Variants in KCNIP4 observed in about 807,000 individuals in gnomAD.
KCNIP4 encodes the protein potassium voltage-gated channel interacting protein 4.
In KCNIP4, 12 loss-of-function variants were observed where a neutral mutation model predicts 34.0. The ratio of observed to expected loss-of-function variants is 0.35; its 90% confidence interval spans 0.23 to 0.57. KCNIP4 has a LOEUF of 0.57. Among genes scored for constraint, KCNIP4 ranks in the 20% least tolerant of loss-of-function variants. The probability of loss-of-function intolerance (pLI) is 0.83; values close to 1 mark genes in which losing one functional copy is unlikely to be tolerated. For synonymous variants in KCNIP4, 124 were observed against 102.2 expected, an observed-to-expected ratio of 1.21 and a Z score of -1.29; for missense variants, 238 against 311.7, an observed-to-expected ratio of 0.76 and a Z score of 1.78.
chr4:21,672,778 T>C (rs894390547), intron 1 of KCNIP4, among the ~76,000 whole-genome samples: 1 of 152,162 alleles, frequency 6.6e-6, no homozygotes, highest in African/African-American at 2.4e-5. Context: ...ACTTTGCGAG[T>C]GGCTTAGCTG....
rs980510910 is a variant in KCNIP4, at chr4:21,379,417, G to C, written c.62-496708C>G. 1.6e-4 allele frequency among the ~76,000 whole-genome samples: 24 copies of C among 152,056 alleles called. 1 individual carries two copies. Among genetic ancestry groups the C allele is most frequent in the Non-Finnish European group, 1.2e-4 (8 of 68,004 alleles). On this transcript the variant is annotated intron_variant, in intron 1 of 8. Coordinates refer to ENST00000382152, the MANE Select transcript of KCNIP4 (RefSeq NM_025221.6). ...AACAGTCAGAGTGACTCTTTTAAAA[G>C]GTATGTCATATTATGCCACTAACCT...
chr4:21,727,778 G>A (rs1715304130), intron 1 of KCNIP4, among the ~76,000 whole-genome samples: 1 of 152,102 alleles, frequency 6.6e-6, no homozygotes, highest in South Asian at 2.1e-4. Flanking sequence ...GCAGTGAGCT[G>A]AGACCACACC....
chr4:21,451,944 T>C (rs1728538565), intron 1 of KCNIP4, among the ~76,000 whole-genome samples: 1 of 152,120 alleles, frequency 6.6e-6, no homozygotes, highest in African/African-American at 2.4e-5. Context: ...TCTCATTCAT[T>C]TAAAAGAAAA....
chr4:21,795,866 G>T (rs207464390), intron 1 of KCNIP4, among the ~76,000 whole-genome samples: 1 of 152,272 alleles, frequency 6.6e-6, no homozygotes, highest in Admixed American at 6.5e-5. Flanking sequence ...CCAGGAGTTT[G>T]AGACCAGACT....
rs868076916 is a variant in KCNIP4 at position 21,519,440 on chromosome 4, A to G, written c.61+429131T>C. Among the ~76,000 whole-genome samples, 254 of 101,396 alleles carry G rather than the reference A, an allele frequency of 2.5e-3. 14 individuals are homozygous for G. Among genetic ancestry groups the G allele is most frequent in the African/African-American group, 6.3e-3 (192 of 30,438 alleles). The allele number at this position is 101,396 out of a possible 152,430, so 66.5% of individuals were successfully genotyped here. On this transcript the variant is annotated intron_variant, in intron 1 of 8. Coordinates refer to ENST00000382152, the MANE Select transcript of KCNIP4 (RefSeq NM_025221.6). ...TGTATATATACACATATGTGTGTAT[A>G]TGTATGTGTATATACACATATGTGT...
chr4:21,601,210 C>T (rs1743117136), intron 1 of KCNIP4, among the ~76,000 whole-genome samples: 1 of 151,968 alleles, frequency 6.6e-6, no homozygotes. Flanking sequence ...CAAACCAAAT[C>T]TGATTATGCC....
In KCNIP4 at chr4:21,309,875, C is replaced by G. The variant is rs143878295; in HGVS notation, c.62-427166G>C. Among the ~76,000 whole-genome samples the G allele has an allele frequency of 1.2e-3, 186 of 152,244 alleles. 2 individuals carry two copies. The highest frequency in any genetic ancestry group is 4.3e-3 in the African/African-American group (180 of 41,540). On this transcript the variant is annotated intron_variant, in intron 1 of 8. Transcript: ENST00000382152. ...TGAGATCAGGGAAAGCTGACAGGCT[C>G]TAATGGTAGTGGCAGGTAGGGGAAT...
intron 1 of KCNIP4, among the ~76,000 whole-genome samples, chr4:21,934,580 C>T (rs1729745705): frequency 6.6e-6 from 1 of 152,020 alleles, no homozygotes; most frequent in African/African-American, 2.4e-5. Context: ...TTCATTTGCT[C>T]TTTAACTGCA....
At chr4:21,600,048 T>C (rs1437176942) in intron 1 of KCNIP4, among the ~76,000 whole-genome samples, 1 of 152,104 alleles carries the variant, frequency 6.6e-6, no homozygotes, top group Admixed American at 6.6e-5. Flanking sequence ...AGTATTGATG[T>C]AAACAGAACT....
At chr4:21,817,023 T>C (rs1297010301) in intron 1 of KCNIP4, among the ~76,000 whole-genome samples, 1 of 152,188 alleles carries the variant, frequency 6.6e-6, no homozygotes, top group Admixed American at 6.5e-5. Flanking sequence ...GCTTGACAGA[T>C]GTGAGCTATT....
In KCNIP4 at chr4:21,152,051, G is replaced by A. The variant is rs141078830; in HGVS notation, c.62-269342C>T. Reference sequence around the variant, plus strand: ...GCAGATCACTTGAGGTCAGCAGTTCGAGACCAGCCTGACCAACATGGTGAA... The same window carrying A: ...GCAGATCACTTGAGGTCAGCAGTTCAAGACCAGCCTGACCAACATGGTGAA... On this transcript the variant is annotated intron_variant, in intron 1 of 8. Transcript: ENST00000382152. Among the ~76,000 whole-genome samples the A allele has an allele frequency of 3.6e-4, 55 of 152,174 alleles. No individual in the cohort carries two copies. In the East Asian group the frequency reaches 9.9e-3, roughly 27 times the overall value.
chr4:21,427,633 T>C (rs1327645913), intron 1 of KCNIP4, among the ~76,000 whole-genome samples: 1 of 152,072 alleles, frequency 6.6e-6, no homozygotes, highest in African/African-American at 2.4e-5. Context: ...AATTATGAGG[T>C]TCAGATAAAT....
intron 1 of KCNIP4, among the ~76,000 whole-genome samples, chr4:21,533,948 C>G (rs1404791761): frequency 1.3e-5 from 2 of 152,016 alleles, no homozygotes; most frequent in South Asian, 4.1e-4. Context: ...ACTGAAAAAG[C>G]CTAAAGCTAC....
chr4:21,770,194 C>G (rs1032703557), intron 1 of KCNIP4, among the ~76,000 whole-genome samples: 6 of 152,094 alleles, frequency 3.9e-5, no homozygotes, highest in African/African-American at 1.4e-4. Flanking sequence ...TGTTCGACAT[C>G]CACTTATGAG....
intron 1 of KCNIP4, among the ~76,000 whole-genome samples, chr4:21,793,127 GT>G (rs1720402931): frequency 6.6e-6 from 1 of 152,126 alleles, no homozygotes; most frequent in Admixed American, 6.6e-5. Flanking sequence ...CCTAAAATGA[GT>G]TTCTGAGAAA....
intron 1 of KCNIP4, among the ~76,000 whole-genome samples, chr4:21,916,976 G>C (rs1218864309): frequency 1.3e-5 from 2 of 152,160 alleles, no homozygotes; most frequent in Non-Finnish European, 2.9e-5. Flanking sequence ...TGAGGCCTTT[G>C]AGAATTCTCA....
chr4:21,291,935 G>GA (rs1202086938), intron 1 of KCNIP4, among the ~76,000 whole-genome samples: 6 of 74,210 alleles, frequency 8.1e-5, no homozygotes, highest in East Asian at 7.0e-4. Context: ...AAGAAAGAAA[G>GA]AAAAAAAAAG....
chr4:21,552,955 C>T (rs192847134), intron 1 of KCNIP4, among the ~76,000 whole-genome samples: 4 of 152,162 alleles, frequency 2.6e-5, no homozygotes, highest in African/African-American at 9.6e-5. Flanking sequence ...ATTTCACATC[C>T]TACTCAGCTG....
intron 1 of KCNIP4, among the ~76,000 whole-genome samples, chr4:21,422,286 C>T (rs1025157287): frequency 4.0e-5 from 6 of 151,768 alleles, no homozygotes; most frequent in African/African-American, 9.7e-5. Flanking sequence ...CTGCAACCTC[C>T]GCCTCCTGGG....
Sources: gnomAD v4.1 joint callset for allele counts (sites outside exome capture counted in the v4.1 genomes callset) on GRCh38, gnomAD v4.1.1 for gene constraint, MANE v1.5 for transcripts, NCBI Gene and HGNC (gene_info 2026-07-23, HGNC 2026-07-21) for gene names.